Variants in ERI3 observed in about 807,000 individuals in gnomAD.
ERI3 encodes the protein ERI1 exoribonuclease 3.
In ERI3, 18 loss-of-function variants were observed where a neutral mutation model predicts 44.4. The ratio of observed to expected loss-of-function variants is 0.41; its 90% CI spans 0.28 to 0.60. ERI3 has a LOEUF of 0.60. Ranked by LOEUF, ERI3 falls within the 20% of genes least tolerant of loss-of-function variation. The probability of loss-of-function intolerance (pLI) is 0.36; values close to 1 mark genes in which losing one functional copy is unlikely to be tolerated. For synonymous variants in ERI3, 183 were observed against 164.8 expected, an observed-to-expected ratio of 1.11 and a Z score of -0.84; for missense variants, 294 against 435.5, an observed-to-expected ratio of 0.68 and a Z score of 2.89.
chr1:44,316,198 C>T (rs1404564318), intron 4 of ERI3, among the ~76,000 whole-genome samples: 2 of 152,158 alleles, frequency 1.3e-5, no homozygotes, highest in African/African-American at 4.8e-5. Context: ...AAAGCTTTCA[C>T]TCCTTACAAT....
intron 3 of ERI3, 42 bp downstream of exon 3, chr1:44,339,003 T>C (rs766408691): frequency 6.3e-7 from 1 of 1,595,000 alleles, no homozygotes; most frequent in Non-Finnish European, 8.6e-7. Flanking sequence ...CCCTCCCTCC[T>C]TGCCCCCCCC....
At chr1:44,339,611 T>C (rs1182230492) in intron 2 of ERI3, among the ~76,000 whole-genome samples, 1 of 152,108 alleles carries the variant, frequency 6.6e-6, no homozygotes, top group Non-Finnish European at 1.5e-5. Flanking sequence ...CATCTTTAAA[T>C]GGAGCTCTAA....
At position 44,240,442 on chromosome 1, in the gene ERI3, G is replaced by A. The variant is rs1644409283; in HGVS notation, c.931+7497C>T. ...GGATCCAGGCGTGGTGACATGTCGC[G>A]TGTCTGCAGCTGGTGGAATGGAAGG... On this transcript the variant is annotated intron_variant, in intron 8 of 8. Transcript: ENST00000372257. Among the ~76,000 whole-genome samples, 5 of 152,288 alleles carry A rather than the reference G, an allele frequency of 3.3e-5. No individual in the cohort carries two copies. The South Asian group carries it at 6.2e-4, about 19-fold the overall frequency.
intron 2 of ERI3, among the ~76,000 whole-genome samples, chr1:44,352,333 C>A (rs761343319): frequency 3.3e-5 from 5 of 152,120 alleles, no homozygotes; most frequent in Non-Finnish European, 2.9e-5. Flanking sequence ...GCCTGTAGCT[C>A]CAGCTACTTG....
chr1:44,293,803 C>G (rs936789168), intron 6 of ERI3, among the ~76,000 whole-genome samples: 1 of 152,216 alleles, frequency 6.6e-6, no homozygotes, highest in African/African-American at 2.4e-5. Context: ...CTCACTGTCT[C>G]CTGTGTGTCC....
intron 7 of ERI3, among the ~76,000 whole-genome samples, chr1:44,272,086 G>A (rs991960008): frequency 2.6e-5 from 4 of 152,180 alleles, no homozygotes; most frequent in Admixed American, 2.6e-4. Context: ...CAGTACCAGG[G>A]ACAAGCGAAG....
chr1:44,272,988 C>A (rs892129939), intron 7 of ERI3, among the ~76,000 whole-genome samples: 3 of 151,958 alleles, frequency 2.0e-5, no homozygotes, highest in Non-Finnish European at 4.4e-5. Flanking sequence ...TCCTGAAGAA[C>A]GAAGGGAATG....
intron 7 of ERI3, among the ~76,000 whole-genome samples, chr1:44,276,026 T>C (rs1645174331): frequency 6.6e-6 from 1 of 152,154 alleles, no homozygotes; most frequent in Non-Finnish European, 1.5e-5. Context: ...GGAGCCAGCT[T>C]GTACAGAGAT....
chr1:44,221,627 G>A lies in ERI3; in HGVS notation c.945C>T (p.Asn315=), dbSNP rs1643898989. ...RPHSGIDDCK[N]IANIMKTLAY... ...CGAGTGTCTTCATGATGTTGGCAAT[G>A]TTCTTGCAGTCGTCTAAAAAGGAGA... Residue 315 remains asparagine (N), a synonymous_variant, in exon 9 of 9, where the codon AAC becomes AAT. Transcript: ENST00000372257. The surrounding 1 kb of genome is among the most constrained non-coding windows in gnomAD (Gnocchi z 5.9). 1.2e-6 allele frequency: 2 copies of A among 1,614,018 alleles called. No individual in the cohort carries two copies. Among genetic ancestry groups the A allele is most frequent in the Non-Finnish European group, 8.5e-7 (1 of 1,179,900 alleles).
At chr1:44,273,198 C>A (rs1470374927) in intron 7 of ERI3, among the ~76,000 whole-genome samples, 19 of 152,258 alleles carry the variant, frequency 1.2e-4, no homozygotes, top group Admixed American at 1.2e-3. Context: ...ACAATCCCTT[C>A]TGGGACCTGA....
chr1:44,333,684 T>C (rs1308143299), intron 3 of ERI3, among the ~76,000 whole-genome samples: 1 of 152,190 alleles, frequency 6.6e-6, no homozygotes, highest in Non-Finnish European at 1.5e-5. Flanking sequence ...TTTGTAGGGA[T>C]CTTAACCAAT....
At chr1:44,250,650 T>C (rs897260412) in intron 7 of ERI3, among the ~76,000 whole-genome samples, 5 of 152,072 alleles carry the variant, frequency 3.3e-5, no homozygotes, top group African/African-American at 4.8e-5. Context: ...GTGGGTGTCA[T>C]GCCGCACAGT....
chr1:44,342,636 C>T (rs1557867135), intron 2 of ERI3, among the ~76,000 whole-genome samples: 1 of 149,140 alleles, frequency 6.7e-6, no homozygotes, highest in African/African-American at 2.5e-5. Flanking sequence ...GCACACCTAG[C>T]ACTCCATTGC....
intron 2 of ERI3, among the ~76,000 whole-genome samples, chr1:44,344,402 C>A (rs1646745209): frequency 6.6e-6 from 1 of 152,152 alleles, no homozygotes; most frequent in South Asian, 2.1e-4. Context: ...CATGTTCTCT[C>A]TGGTAGAGAG....
At chr1:44,254,155 G>C (rs1644736737) in intron 7 of ERI3, among the ~76,000 whole-genome samples, 1 of 152,066 alleles carries the variant, frequency 6.6e-6, no homozygotes, top group Non-Finnish European at 1.5e-5. Context: ...GGTAACTTCA[G>C]TATCTACAAG....
In ERI3 at chr1:44,252,451, CT is replaced by C. The variant is rs1644701066; in HGVS notation, c.832-4414del. ...TGCTGTAGGTGCGGCGGGTGGCCCC[CT>C]GTGTAACAGGGAGCTTTGCCATTAG... On this transcript the variant is annotated intron_variant, in intron 7 of 8. Transcript: ENST00000372257. This position sits in a 1 kb window ranked among gnomAD's most constrained non-coding sequence, Gnocchi z 4.7. Among the ~76,000 whole-genome samples, 1 of 152,234 alleles carries C rather than the reference CT, an allele frequency of 6.6e-6. No homozygotes were observed. Among genetic ancestry groups the C allele is most frequent in the Admixed American group, 6.5e-5 (1 of 15,284 alleles).
chr1:44,351,886 A>G (rs528009069), intron 2 of ERI3, among the ~76,000 whole-genome samples: 4 of 151,634 alleles, frequency 2.6e-5, no homozygotes, highest in Non-Finnish European at 4.4e-5. Flanking sequence ...CTATGTGAGG[A>G]GGTTTACTTC....
intron 3 of ERI3, among the ~76,000 whole-genome samples, chr1:44,326,550 G>A (rs536866277): frequency 6.6e-6 from 1 of 152,226 alleles, no homozygotes; most frequent in East Asian, 1.9e-4. Flanking sequence ...CTGCAAATTC[G>A]AATTGCCAAA....
At chr1:44,281,161 G>A (rs763468307) in intron 7 of ERI3, among the ~76,000 whole-genome samples, 1 of 152,134 alleles carries the variant, frequency 6.6e-6, no homozygotes, top group South Asian at 2.1e-4. Context: ...TACTAAGTTA[G>A]TTCCTTCTTA....
Sources: allele counts gnomAD v4.1 joint callset (sites outside exome capture counted in the v4.1 genomes callset), GRCh38; gene constraint gnomAD v4.1.1; non-coding constraint Gnocchi (gnomAD v3.1); transcripts MANE v1.5; gene names NCBI Gene and HGNC (gene_info 2026-07-23, HGNC 2026-07-21).